The following SND1 variants were observed in gnomAD, a reference collection of about 807,000 sequenced individuals.
SND1 encodes staphylococcal nuclease and tudor domain containing 1, also known as staphylococcal nuclease domain-containing protein 1.
A neutral mutation model predicts 121.7 loss-of-function variants in SND1; 38 were observed. That is an observed-to-expected ratio of 0.31 (90% CI 0.24 to 0.41). SND1 has a LOEUF of 0.41. SND1 is among the 10% of genes least tolerant of loss of function. SND1 has a pLI of 1.00. For synonymous variants in SND1, 401 were observed against 447.4 expected (o/e 0.90, Z 1.31); for missense variants, 868 against 1,184.6 (o/e 0.73, Z 3.92).
intron 10 of SND1, among the ~76,000 whole-genome samples, chr7:127,729,561 G>A (rs1381513644): frequency 1.3e-5 from 2 of 150,204 alleles, no homozygotes; most frequent in Non-Finnish European, 2.9e-5. Flanking sequence ...GGGCTAATTA[G>A]CTTTGTACTG....
intron 10 of SND1, among the ~76,000 whole-genome samples, chr7:127,722,809 CTCTTTTTTTCCCT>C (rs1796519344): frequency 6.6e-6 from 1 of 152,146 alleles, no homozygotes; most frequent in Admixed American, 6.5e-5. Context: ...TTCTTTCTCT[CTCTTTTTTTCCCT>C]TAGAGGAGGC....
At chr7:127,912,071 C>G (rs10246505) in intron 14 of SND1, among the ~76,000 whole-genome samples, 27,038 of 152,072 alleles carry the variant, frequency 0.18, 2,543 homozygotes, top group African/African-American at 0.24. Context: ...GCCTCAACCT[C>G]CCAAGTAACT....
rs539846073 is a variant in SND1, at chr7:128,011,670, A to C, written c.1779+20614A>C. Among the ~76,000 whole-genome samples the C allele has an allele frequency of 1.4e-4, 21 of 152,252 alleles. No individual in the cohort carries two copies. The South Asian group carries it at 4.4e-3, about 32-fold the overall frequency. ...TCCCTCCAAAGATTCTGGCTTCATC[A>C]AGCACCAGCTTTTTAACTTCCCCAG... On this transcript the variant is annotated intron_variant, in intron 16 of 23. Transcript: ENST00000354725.
chr7:128,082,006 A>G (rs780419324), intron 18 of SND1: 3 of 530,646 alleles, frequency 5.7e-6, no homozygotes, highest in Non-Finnish European at 1.2e-5. Flanking sequence ...GTTTCCATGG[A>G]AACAGGCAGC....
At chr7:127,796,632 A>G (rs1798032322) in intron 10 of SND1, among the ~76,000 whole-genome samples, 1 of 152,128 alleles carries the variant, frequency 6.6e-6, no homozygotes, top group Non-Finnish European at 1.5e-5. Context: ...GTCCCTTGAC[A>G]TTTTTGCTCT....
intron 11 of SND1, among the ~76,000 whole-genome samples, chr7:127,843,393 T>C (rs1239899497): frequency 1.3e-5 from 2 of 152,202 alleles, no homozygotes; most frequent in Non-Finnish European, 2.9e-5. Flanking sequence ...CTATAACTCC[T>C]GGCAAAATTC....
At chr7:127,919,754 T>G (rs936471163) in intron 14 of SND1, among the ~76,000 whole-genome samples, 2 of 152,212 alleles carry the variant, frequency 1.3e-5, no homozygotes, top group East Asian at 3.8e-4. Flanking sequence ...AAAGTAACTC[T>G]AGAGTTGTTA....
chr7:127,808,341 T>C (rs1737842961), intron 11 of SND1, among the ~76,000 whole-genome samples: 1 of 152,104 alleles, frequency 6.6e-6, no homozygotes, highest in Admixed American at 6.5e-5. Context: ...TTTTGTATTT[T>C]TTTGGTCGAG....
intron 16 of SND1, among the ~76,000 whole-genome samples, chr7:128,047,900 T>G (rs1003065424): frequency 6.6e-6 from 1 of 151,846 alleles, no homozygotes; most frequent in South Asian, 2.1e-4. Context: ...CAGGCTAGAG[T>G]GCAATGGTGT....
intron 15 of SND1, among the ~76,000 whole-genome samples, chr7:127,941,010 C>A (rs1328057758): frequency 6.6e-6 from 1 of 152,226 alleles, no homozygotes; most frequent in African/African-American, 2.4e-5. Flanking sequence ...CGTCTCAGTG[C>A]TGTGGAGTGT....
intron 15 of SND1, among the ~76,000 whole-genome samples, chr7:127,985,743 T>C (rs201729853): frequency 6.6e-6 from 1 of 152,126 alleles, no homozygotes; most frequent in Non-Finnish European, 1.5e-5. Flanking sequence ...TGGCCCAGAG[T>C]AGACATTGAC....
chr7:127,697,821 G>A (rs767231749), intron 3 of SND1, among the ~76,000 whole-genome samples: 15 of 152,142 alleles, frequency 9.9e-5, no homozygotes, highest in Admixed American at 8.5e-4. Flanking sequence ...TGCAGAGGTC[G>A]ATGTGTAGTG....
rs1002574448 is a variant in SND1, at chr7:127,688,174, C to G, written c.228+1412C>G. 3.9e-5 allele frequency among the ~76,000 whole-genome samples: 6 copies of G among 152,090 alleles called. No individual in the cohort carries two copies. In the East Asian group the frequency reaches 1.2e-3, roughly 29 times the overall value. On this transcript the variant is annotated intron_variant, in intron 2 of 23. Coordinates refer to ENST00000354725, the MANE Select transcript of SND1 (RefSeq NM_014390.4). ...ATGGTTATTTGAGAACCTTCTGTGC[C>G]TAATGGTGATTTGAGAACCTTCTGT...
chr7:127,961,457 A>C (rs1801728649), intron 15 of SND1, among the ~76,000 whole-genome samples: 1 of 152,258 alleles, frequency 6.6e-6, no homozygotes, highest in African/African-American at 2.4e-5. Flanking sequence ...TTAGGATGAT[A>C]GCACAACAAA....
intron 15 of SND1, among the ~76,000 whole-genome samples, chr7:127,948,572 G>A (rs1287476188): frequency 5.3e-5 from 8 of 152,194 alleles, no homozygotes; most frequent in African/African-American, 1.7e-4. Context: ...AGTAGACTGA[G>A]CTCAAAGGTG....
chr7:127,779,486 A>G (rs537855403), intron 10 of SND1, among the ~76,000 whole-genome samples: 6 of 152,356 alleles, frequency 3.9e-5, no homozygotes, highest in Non-Finnish European at 8.8e-5. Flanking sequence ...TCGTAGAGAC[A>G]ATGGCCATAT....
At chr7:127,790,380 G>A (rs1797886235) in intron 10 of SND1, among the ~76,000 whole-genome samples, 1 of 152,096 alleles carries the variant, frequency 6.6e-6, no homozygotes, top group African/African-American at 2.4e-5. Context: ...GAGAGGAAAA[G>A]GACTGTTTTT....
intron 14 of SND1, among the ~76,000 whole-genome samples, chr7:127,910,114 A>G (rs1250697218): frequency 6.6e-6 from 1 of 152,264 alleles, no homozygotes; most frequent in Non-Finnish European, 1.5e-5. Flanking sequence ...TGGAAGCATA[A>G]GAAAAAAATT....
intron 10 of SND1, among the ~76,000 whole-genome samples, chr7:127,758,330 T>C (rs1797236990): frequency 6.6e-6 from 1 of 152,214 alleles, no homozygotes. Context: ...TATGTCCTTA[T>C]GTCATTCACA....
Sources: gnomAD v4.1 joint callset for allele counts (sites outside exome capture counted in the v4.1 genomes callset) on GRCh38, gnomAD v4.1.1 for gene constraint, MANE v1.5 for transcripts, NCBI Gene and HGNC (gene_info 2026-07-23, HGNC 2026-07-21) for gene names.